BCL11B: variants seen among roughly 807,000 people sequenced by gnomAD.
The protein encoded by BCL11B is BCL11 transcription factor B.
In BCL11B, 8 loss-of-function variants were observed where a neutral mutation model predicts 49.9. The ratio of observed to expected loss-of-function variants is 0.16; its 90% CI spans 0.09 to 0.29. The LOEUF (loss-of-function observed/expected upper bound fraction) is 0.29, where lower values mean the gene tolerates loss of function less well. BCL11B is among the 10% of genes least tolerant of loss of function. BCL11B has a pLI of 1.00. For missense variants in BCL11B, 1,006 were observed against 1,351.0 expected, an observed-to-expected ratio of 0.74 and a Z score of 4.00; for synonymous variants, 739 against 637.4, an observed-to-expected ratio of 1.16 and a Z score of -2.40.
chr14:99,227,436 C>T (rs558200162), intron 3 of BCL11B, among the ~76,000 whole-genome samples: 4 of 152,238 alleles, frequency 2.6e-5, no homozygotes, highest in African/African-American at 9.6e-5. Context: ...GGCAGAACAG[C>T]CTTCACCCCC....
intron 1 of BCL11B, among the ~76,000 whole-genome samples, chr14:99,258,853 A>T (rs1274934948): frequency 6.6e-6 from 1 of 152,086 alleles, no homozygotes; most frequent in East Asian, 1.9e-4. Context: ...AATGGACTGT[A>T]TGTTTTTATA....
rs1006126505 is a variant in BCL11B, at chr14:99,241,777, T to C, written c.428-10220A>G. Among the ~76,000 whole-genome samples the C allele has an allele frequency of 6.6e-5, 10 of 152,152 alleles. No individual in the cohort carries two copies. Among genetic ancestry groups the C allele is most frequent in the African/African-American group, 2.4e-4 (10 of 41,434 alleles). On this transcript the variant is annotated intron_variant, in intron 2 of 3. Coordinates refer to ENST00000357195, the MANE Select transcript of BCL11B (RefSeq NM_138576.4). The surrounding 1 kb of genome is among the most constrained non-coding windows in gnomAD (Gnocchi z 4.4). ...TGTCACTAAAAAAAACGTCACTCTG[T>C]TTTGCAAAATCCAGCAGCTTCCTTG...
chr14:99,233,449 G>A, intron 2 of BCL11B, among the ~76,000 whole-genome samples: 1 of 152,196 alleles, frequency 6.6e-6, no homozygotes, highest in Non-Finnish European at 1.5e-5. Context: ...CCACATAGTG[G>A]GCGGAAGTCT....
At chr14:99,229,599 C>T (rs1301950770) in intron 3 of BCL11B, among the ~76,000 whole-genome samples, 4 of 152,194 alleles carry the variant, frequency 2.6e-5, no homozygotes, top group Admixed American at 1.3e-4. Flanking sequence ...GCAGGCCTGG[C>T]CACATGAGGG....
chr14:99,236,710 G>A (rs1888509966), intron 2 of BCL11B, among the ~76,000 whole-genome samples: 1 of 152,092 alleles, frequency 6.6e-6, no homozygotes, highest in South Asian at 2.1e-4. Context: ...CTCTTGAGAA[G>A]CTGAAAGGGC....
intron 3 of BCL11B, among the ~76,000 whole-genome samples, chr14:99,196,294 C>T (rs1274477630): frequency 6.6e-6 from 1 of 152,164 alleles, no homozygotes; most frequent in African/African-American, 2.4e-5. Flanking sequence ...AGTTCCTCCA[C>T]ACGAGTGAGG....
chr14:99,182,255 TC>T (rs2139776167), intron 3 of BCL11B, among the ~76,000 whole-genome samples: 1 of 152,282 alleles, frequency 6.6e-6, no homozygotes, highest in Admixed American at 6.5e-5. Flanking sequence ...CACATGCTGC[TC>T]CAACAACCCC....
At chr14:99,188,856 C>A (rs540879268) in intron 3 of BCL11B, among the ~76,000 whole-genome samples, 29 of 152,378 alleles carry the variant, frequency 1.9e-4, no homozygotes, top group Non-Finnish European at 3.7e-4. Context: ...AGTCTGCTGT[C>A]GGCCCAGGTT....
In BCL11B at chr14:99,175,008, A is replaced by G; in HGVS notation, c.1828T>C (p.Tyr610His). ...TGCTTGTCGGCCAGGAGCTCGCCGT[A>G]CTGCGGCAGTGCGCCTAGGCCCACG... The part of the protein sequence containing the change: ...ENVGLGALPQ[Y>H]GELLADKQKR... The change falls in exon 4 of 4, where the codon TAC (tyrosine) becomes CAC (histidine). Residue 610 changes from tyrosine (Y) to histidine (H), a missense_variant. Tyr to His is a moderately conservative substitution (Grantham distance 83). Around this residue, in one of 6 missense-constraint regions of BCL11B, gnomAD observed 443 missense variants for 499.7 expected, o/e 0.89. Coordinates refer to ENST00000357195, the MANE Select transcript of BCL11B (RefSeq NM_138576.4). The G allele has an allele frequency of 6.3e-7, 1 of 1,590,536 alleles. No individual in the cohort carries two copies. Among genetic ancestry groups the G allele is most frequent in the Non-Finnish European group, 8.5e-7 (1 of 1,174,578 alleles).
In BCL11B at chr14:99,231,660, C is replaced by T; in HGVS notation, c.428-103G>A. 1 of 1,275,498 alleles carries T rather than the reference C, an allele frequency of 7.8e-7. No individual in the cohort carries two copies. The highest frequency in any genetic ancestry group is 1.1e-6 in the Non-Finnish European group (1 of 922,742). 79.0% of individuals were successfully genotyped at this position (1,275,498 alleles called of 1,614,324 possible). On this transcript the variant is annotated intron_variant, in intron 2 of 3. Transcript: ENST00000357195. This position sits in a 1 kb window ranked among gnomAD's most constrained non-coding sequence, Gnocchi z 8.1. ...GGGCGTGGGGCTCTGCTCAGGCCACCCTTCGGGGGTGGGAGGCCCCCGGGG... is the reference window on the plus strand; with the variant it reads ...GGGCGTGGGGCTCTGCTCAGGCCACTCTTCGGGGGTGGGAGGCCCCCGGGG...
At chr14:99,193,831 G>A (rs1887105935) in intron 3 of BCL11B, among the ~76,000 whole-genome samples, 2 of 152,064 alleles carry the variant, frequency 1.3e-5, no homozygotes, top group Non-Finnish European at 2.9e-5. Flanking sequence ...ATTTCAGAAG[G>A]GATCTGTCTT....
chr14:99,264,425 A>G (rs1889423819), intron 1 of BCL11B: 1 of 152,190 alleles, frequency 6.6e-6, no homozygotes. Flanking sequence ...AACATTTCAC[A>G]AATGTATTTA....
chr14:99,190,009 C>T (rs1886975396), intron 3 of BCL11B, among the ~76,000 whole-genome samples: 1 of 152,198 alleles, frequency 6.6e-6, no homozygotes, highest in African/African-American at 2.4e-5. Flanking sequence ...AAATCACTCT[C>T]AAGGCACTCC....
At chr14:99,197,888 T>C (rs918889777) in intron 3 of BCL11B, among the ~76,000 whole-genome samples, 1 of 152,126 alleles carries the variant, frequency 6.6e-6, no homozygotes, top group African/African-American at 2.4e-5. Context: ...TGCAGGCCCC[T>C]GACTTCCAAT....
chr14:99,222,230 G>A (rs1268733476), intron 3 of BCL11B, among the ~76,000 whole-genome samples: 3 of 149,064 alleles, frequency 2.0e-5, no homozygotes, highest in African/African-American at 7.5e-5. Context: ...GCTTTTTTAA[G>A]GGCTATTATT....
intron 2 of BCL11B, among the ~76,000 whole-genome samples, chr14:99,237,236 CTTTTTTTTTT>C (rs56991081): frequency 7.5e-6 from 1 of 132,812 alleles, no homozygotes; most frequent in African/African-American, 2.7e-5. Context: ...CTTTTTTTTT[CTTTTTTTTTT>C]TTTTTAGCTT....
chr14:99,225,883 GCCCCAACTGGGGGGCTTC>G (rs749914539), intron 3 of BCL11B, among the ~76,000 whole-genome samples: 26 of 151,372 alleles, frequency 1.7e-4, no homozygotes, highest in East Asian at 1.4e-3. Flanking sequence ...GCTGGTAGGT[GCCCCAACTGGGGGGCTTC>G]CCCCAACTGG....
At chr14:99,215,816 A>G (rs1248499757) in intron 3 of BCL11B, among the ~76,000 whole-genome samples, 1 of 152,238 alleles carries the variant, frequency 6.6e-6, no homozygotes, top group African/African-American at 2.4e-5. Context: ...TAGTGCAGTG[A>G]TTCTGGAAAC....
rs1183117867 is a variant in BCL11B at position 99,192,216 on chromosome 14, A to C, written c.641-16021T>G. ...GTGTTTTGCTTGGCGGCTGTTCATA[A>C]TACTGTCTTGGCAGCGTTTCCTTGG... On this transcript the variant is annotated intron_variant, in intron 3 of 3. Coordinates refer to ENST00000357195, the MANE Select transcript of BCL11B (RefSeq NM_138576.4). The surrounding 1 kb of genome is among the most constrained non-coding windows in gnomAD (Gnocchi z 4.0). Among the ~76,000 whole-genome samples, 1 of 152,164 alleles carries C rather than the reference A, an allele frequency of 6.6e-6. No individual in the cohort carries two copies. The highest frequency in any genetic ancestry group is 2.4e-5 in the African/African-American group (1 of 41,444).
Sources: gnomAD v4.1 joint callset for allele counts (sites outside exome capture counted in the v4.1 genomes callset) on GRCh38, gnomAD v4.1.1 for gene constraint, gnomAD v4.1.1 regional missense constraint, Gnocchi (gnomAD v3.1) non-coding constraint, MANE v1.5 for transcripts, NCBI Gene and HGNC (gene_info 2026-07-23, HGNC 2026-07-21) for gene names.